Variants in SYNPR observed in about 807,000 individuals in gnomAD.
The protein encoded by SYNPR is synaptoporin.
In SYNPR, 23 loss-of-function variants were observed where a neutral mutation model predicts 32.9. That is an observed-to-expected ratio of 0.70 (90% CI 0.50 to 0.99). The LOEUF (loss-of-function observed/expected upper bound fraction) is 0.99, where lower values mean the gene tolerates loss of function less well. Among genes scored for constraint, SYNPR ranks in the 50% least tolerant of loss-of-function variants. The pLI is 0.00. For synonymous variants in SYNPR, 146 were observed against 135.9 expected (o/e 1.07, Z -0.52); for missense variants, 318 against 349.3 (o/e 0.91, Z 0.71).
At chr3:63,612,486 T>C (rs1700213879) in intron 5 of SYNPR, among the ~76,000 whole-genome samples, 1 of 152,218 alleles carries the variant, frequency 6.6e-6, no homozygotes, top group Non-Finnish European at 1.5e-5. Flanking sequence ...GATCTAGATC[T>C]TGTCTCCCCA....
intron 2 of SYNPR, among the ~76,000 whole-genome samples, chr3:63,328,237 G>A (rs2087188157): frequency 6.6e-6 from 1 of 152,236 alleles, no homozygotes; most frequent in African/African-American, 2.4e-5. Context: ...AAATGAGAGT[G>A]CCTTCTCAGG....
chr3:63,504,858 G>A (rs1226355037), intron 3 of SYNPR, among the ~76,000 whole-genome samples: 2 of 152,064 alleles, frequency 1.3e-5, no homozygotes, highest in Non-Finnish European at 2.9e-5. Context: ...ACCCTTAAAT[G>A]CATTAGCCAC....
intron 4 of SYNPR, among the ~76,000 whole-genome samples, chr3:63,606,208 T>G (rs1394020276): frequency 6.6e-6 from 1 of 152,104 alleles, no homozygotes; most frequent in South Asian, 2.1e-4. Flanking sequence ...TGACAAAGTC[T>G]GAACTTTTAA....
intron 2 of SYNPR, among the ~76,000 whole-genome samples, chr3:63,281,061 AT>A (rs1263366308): frequency 6.6e-6 from 1 of 152,164 alleles, no homozygotes; most frequent in Non-Finnish European, 1.5e-5. Context: ...AAGAACATAC[AT>A]TTTGTGTGCA....
At chr3:63,384,148 C>T (rs1433731866) in intron 2 of SYNPR, among the ~76,000 whole-genome samples, 2 of 152,220 alleles carry the variant, frequency 1.3e-5, no homozygotes, top group African/African-American at 4.8e-5. Context: ...CTCATTTGCT[C>T]CTTTCCAGCT....
At chr3:63,609,481 G>A (rs1700169087) in intron 5 of SYNPR, among the ~76,000 whole-genome samples, 165 bp downstream of exon 5, 1 of 152,152 alleles carries the variant, frequency 6.6e-6, no homozygotes, top group Non-Finnish European at 1.5e-5. Flanking sequence ...TTGGCCCTCA[G>A]GTTTCTTATT....
rs771816430 is a variant in SYNPR, at chr3:63,615,486, G to A, written c.*5G>A. On this transcript the variant is annotated 3_prime_UTR_variant, in exon 6 of 6. Transcript: ENST00000478300. ...TCCTTTACCAATCAGATTTAACAGA[G>A]TAGCATTTGCATTCTTCTGCAGTCG... The A allele has an allele frequency of 1.9e-6, 3 of 1,609,992 alleles. No individual in the cohort carries two copies. Among genetic ancestry groups the A allele is most frequent in the Non-Finnish European group, 2.5e-6 (3 of 1,177,284 alleles).
intron 2 of SYNPR, among the ~76,000 whole-genome samples, chr3:63,265,687 A>G (rs2086480123): frequency 6.6e-6 from 1 of 152,226 alleles, no homozygotes; most frequent in Admixed American, 6.5e-5. Context: ...TAATAAAAAT[A>G]TATGCTTTCA....
chr3:63,469,999 T>C lies in SYNPR; in HGVS notation c.85-10833T>C, dbSNP rs569673663. Among the ~76,000 whole-genome samples the C allele has an allele frequency of 2.9e-4, 44 of 152,320 alleles. 1 individual carries two copies. The South Asian group carries it at 8.5e-3, about 29-fold the overall frequency. ...TCAAGTTACCCAGATGTTGTCTACA[T>C]TTATGATTTTAAGAAAATCAGTTTT... On this transcript the variant is annotated intron_variant, in intron 2 of 5. Coordinates refer to ENST00000478300, the MANE Select transcript of SYNPR (RefSeq NM_001130003.2).
At chr3:63,208,562 T>C in the SYNPR span, among the ~76,000 whole-genome samples, 2 of 152,188 alleles carry the variant, frequency 1.3e-5, no homozygotes, top group Non-Finnish European at 2.9e-5. Context: ...CAGAACTCAA[T>C]CTAAATGTTT....
At chr3:63,288,553 G>A (rs1366216154) in intron 2 of SYNPR, among the ~76,000 whole-genome samples, 1 of 152,152 alleles carries the variant, frequency 6.6e-6, no homozygotes, top group Non-Finnish European at 1.5e-5. Context: ...GCCTCCACTA[G>A]CTTGTGTGAT....
intron 1 of SYNPR, among the ~76,000 whole-genome samples, chr3:63,237,326 A>T (rs552364114): frequency 6.7e-6 from 1 of 149,814 alleles, no homozygotes; most frequent in East Asian, 2.0e-4. Flanking sequence ...TGTCATCTCC[A>T]CTCTACCACC....
chr3:63,253,772 A>C (rs1253896656), intron 2 of SYNPR, among the ~76,000 whole-genome samples: 1 of 152,174 alleles, frequency 6.6e-6, no homozygotes, highest in Non-Finnish European at 1.5e-5. Flanking sequence ...TTCCTCAGGG[A>C]TCTAGAACTA....
intron 3 of SYNPR, among the ~76,000 whole-genome samples, chr3:63,524,259 A>T (rs947430310): frequency 2.6e-5 from 4 of 152,198 alleles, no homozygotes; most frequent in African/African-American, 9.7e-5. Flanking sequence ...ATCATCTCAC[A>T]TTCTACACTT....
intron 2 of SYNPR, among the ~76,000 whole-genome samples, chr3:63,479,948 T>C (rs1262427354): frequency 2.0e-5 from 3 of 152,330 alleles, no homozygotes; most frequent in Admixed American, 6.5e-5. Flanking sequence ...TAAGATAAAT[T>C]GGAATACTGC....
intron 3 of SYNPR, among the ~76,000 whole-genome samples, chr3:63,490,961 A>G (rs1160144118): frequency 6.6e-6 from 1 of 152,018 alleles, no homozygotes; most frequent in African/African-American, 2.4e-5. Context: ...ATGGGGTTTC[A>G]CCATGTTGGC....
intron 2 of SYNPR, among the ~76,000 whole-genome samples, chr3:63,279,332 A>C (rs2086606794): frequency 6.6e-6 from 1 of 152,102 alleles, no homozygotes. Flanking sequence ...TTCCTTCCCT[A>C]CTATAGTTTC....
chr3:63,501,463 A>C (rs80172814), intron 3 of SYNPR, among the ~76,000 whole-genome samples: 5,718 of 147,920 alleles, frequency 0.039, 135 homozygotes, highest in South Asian at 0.083. Flanking sequence ...TAGGTGACAA[A>C]GAGCTACTCT....
At chr3:63,476,111 G>GAGGC (rs1700898331) in intron 2 of SYNPR, among the ~76,000 whole-genome samples, 2 of 67,776 alleles carry the variant, frequency 3.0e-5, no homozygotes, top group African/African-American at 1.9e-4. Context: ...AGGGAGGGGG[G>GAGGC]AGGAAGGAAG....
Sources: allele counts gnomAD v4.1 joint callset (sites outside exome capture counted in the v4.1 genomes callset), GRCh38; gene constraint gnomAD v4.1.1; transcripts MANE v1.5; gene names NCBI Gene and HGNC (gene_info 2026-07-23, HGNC 2026-07-21).